Variants in MECR observed in about 807,000 individuals in gnomAD.
MECR encodes enoyl-[acyl-carrier-protein] reductase, mitochondrial.
MECR carries 37 observed loss-of-function variants against 49.1 expected under a neutral mutation model. The observed-to-expected ratio is 0.75, with a 90% CI of 0.58 to 0.99. The LOEUF is 0.99. Ranked by LOEUF, MECR falls within the 50% of genes least tolerant of loss-of-function variation. The pLI, the probability that MECR is intolerant of heterozygous loss-of-function variation, is 0.00. For missense variants in MECR, 470 were observed against 479.6 expected (o/e 0.98, Z 0.19); for synonymous variants, 198 against 191.1 (o/e 1.04, Z -0.30).
In MECR at chr1:29,216,588, C is replaced by T. The variant is rs773845755; in HGVS notation, c.274G>A (p.Gly92Arg). The change falls in exon 2 of 10, where the codon GGA becomes AGA. Residue 92 changes from glycine (G) to arginine (R), a missense_variant and splice_region_variant. By Grantham distance (125) the Gly-to-Arg change is moderately radical. Transcript: ENST00000263702. ...INPSDINMIQ[G>R]NYGFLPELPA... ...CATAAGCCACAGAAACCAAGGTTAC[C>T]TTGGATCATATTTATGTCAGATGGA... 7.4e-6 allele frequency: 12 copies of T among 1,614,098 alleles called. No individual in the cohort carries two copies. The highest frequency in any genetic ancestry group is 1.0e-5 in the Non-Finnish European group (12 of 1,179,996).
chr1:29,177,545 GT>G, the MECR span, among the ~76,000 whole-genome samples: 3 of 152,190 alleles, frequency 2.0e-5, no homozygotes, highest in Admixed American at 6.5e-5. Context: ...GCCTCTCAAA[GT>G]GCCGGGGTTA....
the MECR span, among the ~76,000 whole-genome samples, chr1:29,182,549 AT>A: frequency 1.2e-3 from 178 of 144,072 alleles, 1 homozygote; most frequent in East Asian, 2.4e-3. Context: ...AATCCAACCT[AT>A]TTTTTTTTTT....
intron 3 of MECR, among the ~76,000 whole-genome samples, chr1:29,215,353 G>A (rs972173538): frequency 3.9e-5 from 6 of 152,134 alleles, no homozygotes; most frequent in African/African-American, 1.4e-4. Context: ...GCTGAGTGGT[G>A]GGTCACCTGA....
At chr1:29,195,887 C>A in intron 9 of MECR, 54 bp downstream of exon 9, 1 of 1,582,854 alleles carries the variant, frequency 6.3e-7, no homozygotes, top group East Asian at 2.2e-5. Flanking sequence ...TTTCTGCTGC[C>A]ATTTTTAGGC....
intron 9 of MECR, among the ~76,000 whole-genome samples, 162 bp from the exon 10 acceptor site, chr1:29,194,341 C>T (rs1673453031): frequency 6.6e-6 from 1 of 152,130 alleles, no homozygotes; most frequent in African/African-American, 2.4e-5. Flanking sequence ...CAGCCTGGTC[C>T]CTGCCTGTCT....
At chr1:29,208,121 T>C (rs1180066970) in intron 3 of MECR, among the ~76,000 whole-genome samples, 3 of 152,112 alleles carry the variant, frequency 2.0e-5, no homozygotes, top group East Asian at 1.9e-4. Context: ...GCCTCCCGAA[T>C]AGCTGGGATT....
intron 7 of MECR, among the ~76,000 whole-genome samples, chr1:29,198,267 G>A (rs1246717819): frequency 6.6e-6 from 1 of 151,974 alleles, no homozygotes; most frequent in Non-Finnish European, 1.5e-5. Context: ...TCTGCGGCCT[G>A]GGGGCTGGGG....
chr1:29,207,004 T>C, intron 3 of MECR, 99 bp from the exon 4 acceptor site: 7 of 1,319,634 alleles, frequency 5.3e-6, no homozygotes, highest in Non-Finnish European at 7.4e-6. Context: ...GGATAGTGGG[T>C]AGCATCCACT....
chr1:29,191,002 C>T (rs1364179535), downstream of MECR, among the ~76,000 whole-genome samples: 2 of 152,072 alleles, frequency 1.3e-5, no homozygotes, highest in African/African-American at 2.4e-5. Context: ...AACATAAATA[C>T]CCTGTCTCTG....
the MECR span, chr1:29,181,831 G>C: frequency 8.5e-7 from 1 of 1,177,256 alleles, no homozygotes; most frequent in Non-Finnish European, 1.1e-6. Context: ...CACGGCGGCA[G>C]CGGCGGCGGC....
intron 1 of MECR, chr1:29,230,374 G>A (rs1021140970): frequency 3.5e-4 from 85 of 244,162 alleles, no homozygotes; most frequent in African/African-American, 1.9e-3. Flanking sequence ...GACCTTGGAC[G>A]AGTGATTTTA....
chr1:29,230,752 C>A lies in MECR; in HGVS notation c.155G>T (p.Gly52Val). 6.3e-7 allele frequency: 1 copy of A among 1,589,176 alleles called. No homozygotes were observed. Among genetic ancestry groups the A allele is most frequent in the East Asian group, 2.3e-5 (1 of 43,958 alleles). Residue 52 changes from glycine (G) to valine (V), a missense_variant, in exon 1 of 10, where the codon GGG becomes GTG. Physicochemically the swap from Gly to Val is moderately radical, Grantham distance 109. Transcript: ENST00000263702. ...RVRALVYGHH[G>V]DPAKVVELKN... is the part of the protein sequence containing the mutation. ...TTACTCGACGACCTTGGCTGGATCC[C>A]CGTGGTGCCCATAGACAAGCGCCCG... is the stretch of plus-strand genomic sequence containing the variant.
chr1:29,203,084 G>A (rs1675712274), intron 5 of MECR, 47 bp downstream of exon 5: 4 of 1,472,680 alleles, frequency 2.7e-6, no homozygotes, highest in African/African-American at 1.4e-5. Flanking sequence ...TGGGAGGTGG[G>A]AAAGACCCAA....
chr1:29,189,398 G>T (rs932245844), downstream of MECR, among the ~76,000 whole-genome samples: 21 of 150,178 alleles, frequency 1.4e-4, no homozygotes, highest in South Asian at 8.5e-4. Context: ...AGATGGGTTG[G>T]GGGGGGGTCT....
chr1:29,221,323 C>CA (rs1445988475), intron 1 of MECR: 2 of 152,344 alleles, frequency 1.3e-5, no homozygotes, highest in South Asian at 4.1e-4. Context: ...GGTTGGCTGA[C>CA]AGTGTCTAGC....
At chr1:29,215,526 C>T (rs184393598) in intron 3 of MECR, among the ~76,000 whole-genome samples, 49 of 147,768 alleles carry the variant, frequency 3.3e-4, no homozygotes, top group African/African-American at 1.1e-3. Flanking sequence ...AAGCCGAGAT[C>T]GCGTCACTGC....
intron 6 of MECR, among the ~76,000 whole-genome samples, chr1:29,200,835 C>T (rs1675144160): frequency 6.6e-6 from 1 of 152,118 alleles, no homozygotes; most frequent in African/African-American, 2.4e-5. Context: ...GTTACCCAGG[C>T]TGGAGTGCAG....
At chr1:29,196,279 A>G (rs755092331) in intron 7 of MECR, 21 bp from the exon 8 acceptor site, 2 of 1,602,768 alleles carry the variant, frequency 1.2e-6, no homozygotes, top group African/African-American at 1.3e-5. Flanking sequence ...CAAAGAGAAC[A>G]AAGAGTGGAT....
At chr1:29,224,160 G>C (rs1464167619) in intron 1 of MECR, 1 of 152,162 alleles carries the variant, frequency 6.6e-6, no homozygotes, top group Admixed American at 6.6e-5. Flanking sequence ...GCTGACACCA[G>C]GGAAACTCCA....
Sources: allele counts gnomAD v4.1 joint callset (sites outside exome capture counted in the v4.1 genomes callset), GRCh38; gene constraint gnomAD v4.1.1; transcripts MANE v1.5; gene names NCBI Gene and HGNC (gene_info 2026-07-23, HGNC 2026-07-21).